The following RPF2 variants were observed in gnomAD, a reference collection of about 807,000 sequenced individuals.
RPF2 encodes ribosome production factor 2 homolog, also known as brix domain containing 1.
Under a neutral mutation model 38.9 loss-of-function variants are expected in RPF2, and 21 were observed. That is an observed-to-expected ratio of 0.54 (90% confidence interval 0.38 to 0.78). The LOEUF is 0.78. Among genes scored for constraint, RPF2 ranks in the 30% least tolerant of loss-of-function variants. RPF2 has a pLI of 0.00. For synonymous variants in RPF2, 121 were observed against 126.2 expected (o/e 0.96, Z 0.28); for missense variants, 314 against 358.1 (o/e 0.88, Z 0.99).
chr6:111,017,689 C>CT (rs1772151201), intron 8 of RPF2, among the ~76,000 whole-genome samples: 2 of 142,490 alleles, frequency 1.4e-5, no homozygotes, highest in African/African-American at 5.7e-5. Flanking sequence ...ACTTCCTAGA[C>CT]GGGATGGCGG....
chr6:111,008,115 A>G lies in RPF2; in HGVS notation c.471A>G (p.Arg157=), dbSNP rs764387097. The G allele has an allele frequency of 2.4e-5, 38 of 1,601,562 alleles. No individual in the cohort carries two copies. Among genetic ancestry groups the G allele is most frequent in the Non-Finnish European group, 3.2e-5 (38 of 1,175,320 alleles). ...ATTTCGATGTAACAGAAGATTATAGAAGACTAAAAAGTCTTCTTATTGGTA... is the reference window on the plus strand; with the variant it reads ...ATTTCGATGTAACAGAAGATTATAGGAGACTAAAAAGTCTTCTTATTGGTA... ...GDDFDVTEDY[R]RLKSLLIDFF... Residue 157 remains arginine, a synonymous_variant, in exon 7 of 10, where the codon AGA becomes AGG. Transcript: ENST00000441448.
chr6:110,991,963 A>G (rs112333496), intron 4 of RPF2, among the ~76,000 whole-genome samples, 177 bp downstream of exon 4: 2 of 152,318 alleles, frequency 1.3e-5, no homozygotes, highest in African/African-American at 4.8e-5. Context: ...CTTTCATTTC[A>G]CTATGGCTGG....
At chr6:111,013,614 C>T (rs138018856) in intron 7 of RPF2, among the ~76,000 whole-genome samples, 199 of 152,164 alleles carry the variant, frequency 1.3e-3, no homozygotes, top group African/African-American at 4.6e-3. Context: ...AGTTTTCTCC[C>T]AAAGCACAGA....
intron 6 of RPF2, among the ~76,000 whole-genome samples, chr6:111,006,127 G>C (rs1771903301): frequency 6.6e-6 from 1 of 151,334 alleles, no homozygotes; most frequent in Non-Finnish European, 1.5e-5. Context: ...TTTTTGTAGA[G>C]ACCGTGTCTC....
At chr6:110,985,883 A>G (rs1159523014) in intron 2 of RPF2, among the ~76,000 whole-genome samples, 1 of 134,364 alleles carries the variant, frequency 7.4e-6, no homozygotes, top group African/African-American at 3.0e-5. Context: ...GGTCACAGTC[A>G]GTCGAGATTG....
chr6:110,989,672 C>G (rs1223191275), intron 3 of RPF2, among the ~76,000 whole-genome samples: 2 of 147,896 alleles, frequency 1.4e-5, no homozygotes, highest in Non-Finnish European at 3.0e-5. Flanking sequence ...TGTTGCCAGG[C>G]TGGAGTGCAG....
At chr6:111,020,064 G>A (rs1445762176) in intron 8 of RPF2, among the ~76,000 whole-genome samples, 1 of 151,602 alleles carries the variant, frequency 6.6e-6, no homozygotes, top group Non-Finnish European at 1.5e-5. Context: ...ACTGGCACCC[G>A]CCACCACGCC....
At chr6:111,002,571 G>T (rs533142211) in intron 6 of RPF2, among the ~76,000 whole-genome samples, 22 of 152,118 alleles carry the variant, frequency 1.4e-4, no homozygotes, top group African/African-American at 5.3e-4. Context: ...GAGTTCAAGC[G>T]ATCCTCCCGC....
At chr6:111,018,930 C>T (rs950643659) in intron 8 of RPF2, among the ~76,000 whole-genome samples, 1 of 152,242 alleles carries the variant, frequency 6.6e-6, no homozygotes, top group Non-Finnish European at 1.5e-5. Flanking sequence ...TAAAAAAGTA[C>T]TCAGGACGGA....
rs1018919444 is a variant in RPF2 at position 111,014,306 on chromosome 6, G to A, written c.494-1448G>A. ...TGCCACCACACCTGGCTAATTTTTTGTGGTTTTAGTAGAGATAGGGTTTCA... is the reference window on the plus strand; with the variant it reads ...TGCCACCACACCTGGCTAATTTTTTATGGTTTTAGTAGAGATAGGGTTTCA... On this transcript the variant is annotated intron_variant, in intron 7 of 9. Coordinates refer to ENST00000441448, the MANE Select transcript of RPF2 (RefSeq NM_032194.3). Among the ~76,000 whole-genome samples, 46 of 151,986 alleles carry A rather than the reference G, an allele frequency of 3.0e-4. 1 individual carries two copies. Among genetic ancestry groups the A allele is most frequent in the African/African-American group, 1.1e-3 (45 of 41,466 alleles).
intron 6 of RPF2, among the ~76,000 whole-genome samples, chr6:111,004,549 GT>G (rs10617821): frequency 0.13 from 17,978 of 141,394 alleles, 1,486 homozygotes; most frequent in East Asian, 0.49. Flanking sequence ...AAGTATTGGG[GT>G]TTTTTTTTTT....
chr6:111,011,940 G>T (rs1268298352), intron 7 of RPF2, among the ~76,000 whole-genome samples: 1 of 152,158 alleles, frequency 6.6e-6, no homozygotes, highest in Non-Finnish European at 1.5e-5. Flanking sequence ...AGACTGTAGG[G>T]CACCAAGGGA....
intron 8 of RPF2, among the ~76,000 whole-genome samples, chr6:111,019,213 A>G (rs1772184657): frequency 6.6e-6 from 1 of 152,142 alleles, no homozygotes; most frequent in African/African-American, 2.4e-5. Context: ...CCCTGTCTCT[A>G]TTAAAAAATA....
chr6:110,987,715 CTTTG>C (rs1426769150), intron 2 of RPF2, among the ~76,000 whole-genome samples: 1 of 152,144 alleles, frequency 6.6e-6, no homozygotes, highest in Non-Finnish European at 1.5e-5. Context: ...GTTGCATTTT[CTTTG>C]TTCACCAACT....
intron 4 of RPF2, among the ~76,000 whole-genome samples, chr6:110,996,127 T>G (rs536152693): frequency 1.3e-5 from 2 of 150,280 alleles, no homozygotes; most frequent in Non-Finnish European, 3.0e-5. Context: ...CAGATAAGTT[T>G]TTTTTTTTTT....
intron 7 of RPF2, among the ~76,000 whole-genome samples, chr6:111,013,092 G>T (rs1772047628): frequency 6.6e-6 from 1 of 152,186 alleles, no homozygotes; most frequent in African/African-American, 2.4e-5. Flanking sequence ...TTCCCAACTA[G>T]AAATGATCTT....
At chr6:111,002,648 A>G (rs1265639713) in intron 6 of RPF2, among the ~76,000 whole-genome samples, 2 of 152,206 alleles carry the variant, frequency 1.3e-5, no homozygotes, top group South Asian at 4.1e-4. Flanking sequence ...CTCATTCTTA[A>G]CAAGAACCAT....
intron 6 of RPF2, among the ~76,000 whole-genome samples, chr6:111,006,917 T>C (rs1771919057): frequency 6.6e-6 from 1 of 151,700 alleles, no homozygotes; most frequent in African/African-American, 2.4e-5. Context: ...CTACTAAAAA[T>C]ACAAAATTAG....
At chr6:110,997,323 G>A (rs950385968) in intron 5 of RPF2, 59 bp downstream of exon 5, 8 of 992,118 alleles carry the variant, frequency 8.1e-6, no homozygotes, top group South Asian at 4.1e-5. Flanking sequence ...TAGCAGCAGC[G>A]AATTCATACG....
Sources: allele counts gnomAD v4.1 joint callset (sites outside exome capture counted in the v4.1 genomes callset), GRCh38; gene constraint gnomAD v4.1.1; transcripts MANE v1.5; gene names NCBI Gene and HGNC (gene_info 2026-07-23, HGNC 2026-07-21).